The following ILKAP variants were observed in gnomAD, a reference collection of about 807,000 sequenced individuals.
ILKAP encodes the protein ILK associated serine/threonine phosphatase.
In ILKAP, 11 loss-of-function variants were observed where a neutral mutation model predicts 49.1. The observed-to-expected ratio is 0.22, with a 90% CI of 0.14 to 0.37. The LOEUF (loss-of-function observed/expected upper bound fraction) is 0.37, where lower values mean the gene tolerates loss of function less well. Among genes scored for constraint, ILKAP ranks in the 10% least tolerant of loss-of-function variants. ILKAP has a pLI of 1.00. For missense variants in ILKAP, 363 were observed against 510.8 expected (o/e 0.71, Z 2.79); for synonymous variants, 186 against 192.8 (o/e 0.96, Z 0.29).
At chr2:238,172,772 T>G (rs1432024306) in intron 10 of ILKAP, among the ~76,000 whole-genome samples, 1 of 152,172 alleles carries the variant, frequency 6.6e-6, no homozygotes, top group Admixed American at 6.5e-5. Context: ...GTGCCACTAG[T>G]GTCTCTGGCC....
Position 238,183,744 on chromosome 2 carries a change from G to C in ILKAP, c.627-4C>G. 3 of 1,609,672 alleles carry C rather than the reference G, an allele frequency of 1.9e-6. No homozygotes were observed. The highest frequency in any genetic ancestry group is 1.7e-6 in the Non-Finnish European group (2 of 1,177,986). ...CCCATCTTTCCAGGCAGGCTTCCTGGGGGGAAACACATCAGAAACACAGTC... is the reference window on the plus strand; with the variant it reads ...CCCATCTTTCCAGGCAGGCTTCCTGCGGGGAAACACATCAGAAACACAGTC... On this transcript the variant is annotated splice_region_variant and splice_polypyrimidine_tract_variant and intron_variant, in intron 7 of 11. Coordinates refer to ENST00000254654, the MANE Select transcript of ILKAP (RefSeq NM_030768.3).
chr2:238,170,904 C>A, intron 11 of ILKAP, 39 bp downstream of exon 11: 1 of 1,571,252 alleles, frequency 6.4e-7, no homozygotes, highest in Non-Finnish European at 8.8e-7. Flanking sequence ...AACTAAGACA[C>A]AATTGGGACA....
At chr2:238,173,356 C>G (rs1435819516) in intron 10 of ILKAP, among the ~76,000 whole-genome samples, 178 bp downstream of exon 10, 1 of 10,344 alleles carries the variant, frequency 9.7e-5, no homozygotes, top group Non-Finnish European at 3.1e-4. Context: ...CCCCATGTGT[C>G]CCCCCCTACC....
intron 9 of ILKAP, among the ~76,000 whole-genome samples, chr2:238,177,225 G>C (rs1693499849): frequency 6.6e-6 from 1 of 152,202 alleles, no homozygotes; most frequent in Non-Finnish European, 1.5e-5. Flanking sequence ...GGATGAAGGG[G>C]ACAGGGATGA....
intron 9 of ILKAP, among the ~76,000 whole-genome samples, chr2:238,181,243 T>C (rs912292355): frequency 6.6e-6 from 1 of 152,206 alleles, no homozygotes; most frequent in Non-Finnish European, 1.5e-5. Context: ...TACTAAGAGA[T>C]GACATCTCTC....
intron 8 of ILKAP, among the ~76,000 whole-genome samples, chr2:238,182,421 C>T (rs545498785): frequency 2.6e-5 from 4 of 152,308 alleles, no homozygotes; most frequent in Non-Finnish European, 5.9e-5. Context: ...CTGGTACAAA[C>T]TCTGCTGAAT....
At chr2:238,194,548 T>A in intron 2 of ILKAP, 1 of 608,932 alleles carries the variant, frequency 1.6e-6, no homozygotes, top group Non-Finnish European at 2.9e-6. Flanking sequence ...AAAGTTAAAT[T>A]GTACTTCAGG....
Position 238,202,879 on chromosome 2 carries a change from G to A in ILKAP, c.55+620C>T, listed in dbSNP as rs112115681. On this transcript the variant is annotated intron_variant, in intron 1 of 11. Transcript: ENST00000254654. ...ACTTCAAGGAGAGGGGGAACTTCCC[G>A]TGGACCAGAAAAAAAAAAAAAAAAC... Among the ~76,000 whole-genome samples, 6 of 141,108 alleles carry A rather than the reference G, an allele frequency of 4.3e-5. No individual in the cohort carries two copies. The South Asian group carries it at 9.2e-4, about 22-fold the overall frequency. 92.6% of individuals were successfully genotyped at this position (141,108 alleles called of 152,430 possible).
intron 9 of ILKAP, among the ~76,000 whole-genome samples, chr2:238,180,846 G>A (rs970700154): frequency 6.6e-6 from 1 of 152,204 alleles, no homozygotes; most frequent in Non-Finnish European, 1.5e-5. Flanking sequence ...AAGGAGTTCA[G>A]GCAAAAGCAG....
chr2:238,189,021 A>G (rs1381918521), intron 4 of ILKAP, among the ~76,000 whole-genome samples: 1 of 152,236 alleles, frequency 6.6e-6, no homozygotes, highest in African/African-American at 2.4e-5. Context: ...GCAGTCAATG[A>G]AAATCCCACA....
chr2:238,188,298 C>T, intron 4 of ILKAP, 41 bp from the exon 5 acceptor site: 2 of 1,600,270 alleles, frequency 1.2e-6, no homozygotes, highest in Non-Finnish European at 1.7e-6. Flanking sequence ...AAAACTGTGC[C>T]CAACCCTCTG....
intron 4 of ILKAP, among the ~76,000 whole-genome samples, chr2:238,189,081 A>G (rs954904816): frequency 1.8e-4 from 28 of 152,012 alleles, no homozygotes; most frequent in Non-Finnish European, 5.9e-5. Context: ...CACTCTGGGA[A>G]GCCGAGGCGG....
intron 9 of ILKAP, among the ~76,000 whole-genome samples, chr2:238,176,423 G>A (rs1260249705): frequency 6.6e-6 from 1 of 152,088 alleles, no homozygotes; most frequent in Non-Finnish European, 1.5e-5. Flanking sequence ...GAGCCACCAC[G>A]CCTGGCCAAG....
chr2:238,190,026 G>C (rs79945571), intron 3 of ILKAP, 54 bp from the exon 4 acceptor site: 2 of 1,591,830 alleles, frequency 1.3e-6, no homozygotes, highest in African/African-American at 2.7e-5. Context: ...GTTGGAAAAA[G>C]TCACTAGTAG....
At chr2:238,182,010 C>A in intron 9 of ILKAP, 55 bp downstream of exon 9, 1 of 1,601,590 alleles carries the variant, frequency 6.2e-7, no homozygotes. Context: ...GTCTCGGGAC[C>A]CTTCTACAGC....
chr2:238,173,732 CA>C, intron 9 of ILKAP, 79 bp from the exon 10 acceptor site: 1 of 1,467,988 alleles, frequency 6.8e-7, no homozygotes, highest in South Asian at 1.2e-5. Flanking sequence ...ACCTTAAAAG[CA>C]GAGAATGGAA....
In ILKAP at chr2:238,182,157, A is replaced by C. The variant is rs1559292359; in HGVS notation, c.744T>G (p.Ser248Arg). The C allele has an allele frequency of 2.5e-6, 4 of 1,613,540 alleles. No individual in the cohort carries two copies. The highest frequency in any genetic ancestry group is 1.7e-6 in the Non-Finnish European group (2 of 1,179,800). Residue 248 changes from serine (S) to arginine (R), a missense_variant, in exon 9 of 12, where the codon AGT becomes AGG. Coordinates refer to ENST00000254654, the MANE Select transcript of ILKAP (RefSeq NM_030768.3). ...TGAGGCTTAAGGCTGCATGTTTTTG[A>C]CTCTCCTCATTATAACGACACAAGA... The part of the protein sequence containing the change: ...RAILCRYNEE[S>R]QKHAALSLSK...
At chr2:238,173,470 G>C (rs1405601203) in intron 10 of ILKAP, 64 bp downstream of exon 10, 2 of 1,580,738 alleles carry the variant, frequency 1.3e-6, no homozygotes, top group Non-Finnish European at 1.7e-6. Flanking sequence ...GATAGAAACT[G>C]GAAGTGAGGA....
At position 238,193,581 on chromosome 2, in the gene ILKAP, A is replaced by C. The variant is rs114932375; in HGVS notation, c.178+694T>G. Among the ~76,000 whole-genome samples the C allele has an allele frequency of 3.9e-3, 592 of 152,362 alleles. 10 individuals carry two copies. Among genetic ancestry groups the C allele is most frequent in the African/African-American group, 0.013 (540 of 41,586 alleles). On this transcript the variant is annotated intron_variant, in intron 3 of 11. Transcript: ENST00000254654. ...ATCTTTATTGGGAAGGTTTCAGGCC[A>C]CACTGTGAGTGTGAGGATGCTGCAA...
Sources: gnomAD v4.1 joint callset for allele counts (sites outside exome capture counted in the v4.1 genomes callset) on GRCh38, gnomAD v4.1.1 for gene constraint, MANE v1.5 for transcripts, NCBI Gene and HGNC (gene_info 2026-07-23, HGNC 2026-07-21) for gene names.